Variants in PDE4D observed in about 807,000 individuals in gnomAD.
PDE4D encodes 3',5'-cyclic-AMP phosphodiesterase 4D.
PDE4D carries 24 observed loss-of-function variants against 87.4 expected under a neutral mutation model. The observed-to-expected ratio is 0.27, with a 90% CI of 0.20 to 0.39. PDE4D has a LOEUF of 0.39. Ranked by LOEUF, PDE4D falls within the 10% of genes least tolerant of loss-of-function variation. The pLI is 1.00. For missense variants in PDE4D, 714 were observed against 1,041.0 expected (o/e 0.69, Z 4.32); for synonymous variants, 384 against 383.2 (o/e 1.00, Z -0.02).
At chr5:59,360,487 T>C (rs1288805538) in intron 1 of PDE4D, among the ~76,000 whole-genome samples, 1 of 152,196 alleles carries the variant, frequency 6.6e-6, no homozygotes, top group African/African-American at 2.4e-5. Flanking sequence ...GTTGTAATTC[T>C]ATCTTCAGAA....
At chr5:59,279,988 T>A (rs1263867949) in intron 1 of PDE4D, among the ~76,000 whole-genome samples, 1 of 152,096 alleles carries the variant, frequency 6.6e-6, no homozygotes, top group East Asian at 1.9e-4. Context: ...ATGATAAACA[T>A]ATTTAACAGC....
At chr5:60,431,590 T>G (rs1583747028) in intron 1 of PDE4D, among the ~76,000 whole-genome samples, 2 of 124,382 alleles carry the variant, frequency 1.6e-5, no homozygotes, top group South Asian at 2.7e-4. Context: ...CTTTCCAGAG[T>G]GGGCAGCCAG....
chr5:59,283,222 A>G (rs1766191081), intron 1 of PDE4D, among the ~76,000 whole-genome samples: 2 of 152,202 alleles, frequency 1.3e-5, no homozygotes, highest in African/African-American at 2.4e-5. Context: ...TCAATAAGCT[A>G]TGGAGAAAAG....
At chr5:59,689,803 A>G (rs1244232470) in intron 1 of PDE4D, among the ~76,000 whole-genome samples, 1 of 152,198 alleles carries the variant, frequency 6.6e-6, no homozygotes, top group Non-Finnish European at 1.5e-5. Context: ...AGATGACATG[A>G]TTGTATATTT....
At chr5:59,985,411 G>A (rs2152828596) in intron 3 of PDE4D, among the ~76,000 whole-genome samples, 1 of 152,036 alleles carries the variant, frequency 6.6e-6, no homozygotes, top group East Asian at 1.9e-4. Context: ...AAAGTGCTGG[G>A]ATTACAGGCG....
intron 5 of PDE4D, among the ~76,000 whole-genome samples, chr5:59,107,331 G>A (rs1261838931): frequency 6.6e-6 from 1 of 151,996 alleles, no homozygotes; most frequent in Non-Finnish European, 1.5e-5. Context: ...GCCTCAGCCT[G>A]CCAAGTAACT....
At chr5:59,714,733 T>C (rs1463072854) in intron 1 of PDE4D, among the ~76,000 whole-genome samples, 1 of 152,234 alleles carries the variant, frequency 6.6e-6, no homozygotes. Flanking sequence ...TGCAGGGATA[T>C]ATGCATAGCC....
At chr5:59,425,511 G>C (rs551411072) in intron 1 of PDE4D, among the ~76,000 whole-genome samples, 1 of 152,116 alleles carries the variant, frequency 6.6e-6, no homozygotes, top group African/African-American at 2.4e-5. Context: ...CCCTGCATGA[G>C]AGGTGGAGGG....
At chr5:59,592,253 T>G in intron 1 of PDE4D, 2 of 538,098 alleles carry the variant, frequency 3.7e-6, no homozygotes, top group Non-Finnish European at 4.7e-6. Context: ...GTCATGACTT[T>G]CCACTCCTGG....
At chr5:60,159,357 AAGTAT>A (rs1782274231) in intron 2 of PDE4D, among the ~76,000 whole-genome samples, 1 of 152,194 alleles carries the variant, frequency 6.6e-6, no homozygotes, top group Non-Finnish European at 1.5e-5. Flanking sequence ...AATGATTAAA[AAGTAT>A]AGTATAGTAA....
upstream of PDE4D, among the ~76,000 whole-genome samples, chr5:59,895,256 T>C (rs1234946686): frequency 1.3e-5 from 2 of 152,244 alleles, no homozygotes; most frequent in African/African-American, 4.8e-5. Context: ...ACTTTGTTTA[T>C]CAGCAAGAAC....
At chr5:59,977,467 C>T (rs1439391922) in intron 3 of PDE4D, among the ~76,000 whole-genome samples, 2 of 152,054 alleles carry the variant, frequency 1.3e-5, no homozygotes, top group African/African-American at 4.8e-5. Context: ...GAGGGTGGTT[C>T]ATGATGTTTA....
In PDE4D at chr5:59,482,174, T is replaced by C. The variant is rs761900380; in HGVS notation, c.456-266206A>G. 6.6e-5 allele frequency among the ~76,000 whole-genome samples: 10 copies of C among 152,164 alleles called. No homozygotes were observed. In the South Asian group the frequency reaches 1.0e-3, roughly 16 times the overall value. On this transcript the variant is annotated intron_variant, in intron 1 of 14. Coordinates refer to ENST00000340635, the MANE Select transcript of PDE4D (RefSeq NM_001104631.2). ...CTCTCCAGCTTGTGAATTAACAAAA[T>C]GACAGATATTTTTTCATAGTTGAAC...
In PDE4D at chr5:59,534,628, G is replaced by A. The variant is rs574013828; in HGVS notation, c.456-318660C>T. ...ACCCCATTACCAAGAGGCCTTGTGG[G>A]ATGAACCTGTGTGCAATGGAGTTAC... On this transcript the variant is annotated intron_variant, in intron 1 of 14. Coordinates refer to ENST00000340635, the MANE Select transcript of PDE4D (RefSeq NM_001104631.2). Among the ~76,000 whole-genome samples, 7 of 152,294 alleles carry A rather than the reference G, an allele frequency of 4.6e-5. No individual in the cohort carries two copies. The East Asian group carries it at 1.2e-3, about 25-fold the overall frequency.
At chr5:59,041,722 C>T (rs1498606) in intron 5 of PDE4D, among the ~76,000 whole-genome samples, 27,965 of 152,204 alleles carry the variant, frequency 0.18, 3,529 homozygotes, top group East Asian at 0.71. Flanking sequence ...TTCCCAGTAG[C>T]TAAGTAAACT....
intron 1 of PDE4D, among the ~76,000 whole-genome samples, chr5:59,264,699 A>C (rs1305817488): frequency 6.6e-6 from 1 of 152,018 alleles, no homozygotes; most frequent in Non-Finnish European, 1.5e-5. Flanking sequence ...AATTATAACA[A>C]AATAATGCTT....
chr5:59,864,612 G>A (rs954336855), intron 1 of PDE4D, among the ~76,000 whole-genome samples: 7 of 152,174 alleles, frequency 4.6e-5, no homozygotes, highest in African/African-American at 1.2e-4. Flanking sequence ...AATGCCTGAC[G>A]TGTGCCTATG....
intron 1 of PDE4D, among the ~76,000 whole-genome samples, chr5:60,511,214 C>G (rs1411607370): frequency 6.6e-6 from 1 of 152,158 alleles, no homozygotes; most frequent in Non-Finnish European, 1.5e-5. Flanking sequence ...AAGTGATCCT[C>G]CCACCTTGGC....
At chr5:59,249,367 G>A (rs1395400986) in intron 1 of PDE4D, among the ~76,000 whole-genome samples, 1 of 152,080 alleles carries the variant, frequency 6.6e-6, no homozygotes, top group African/African-American at 2.4e-5. Flanking sequence ...GGCTTGGAGT[G>A]TAACCTGGTA....
Sources: allele counts gnomAD v4.1 joint callset (sites outside exome capture counted in the v4.1 genomes callset), GRCh38; gene constraint gnomAD v4.1.1; transcripts MANE v1.5; gene names NCBI Gene and HGNC (gene_info 2026-07-23, HGNC 2026-07-21).